PARD3B: variants seen among roughly 807,000 people sequenced by gnomAD.
The protein encoded by PARD3B is par-3 family cell polarity regulator beta.
A neutral mutation model predicts 130.2 loss-of-function variants in PARD3B; 103 were observed. The ratio of observed to expected loss-of-function variants is 0.79; its 90% confidence interval spans 0.67 to 0.93. The LOEUF is 0.93. PARD3B is among the 40% of genes least tolerant of loss of function. PARD3B has a pLI of 0.00. For missense variants in PARD3B, 1,609 were observed against 1,499.2 expected, an observed-to-expected ratio of 1.07 and a Z score of -1.21; for synonymous variants, 583 against 553.2, an observed-to-expected ratio of 1.05 and a Z score of -0.76.
intron 16 of PARD3B, among the ~76,000 whole-genome samples, chr2:205,294,263 G>T (rs2041709644): frequency 6.6e-6 from 1 of 151,892 alleles, no homozygotes; most frequent in Non-Finnish European, 1.5e-5. Flanking sequence ...CACAGATAAG[G>T]TTATATATGT....
chr2:204,764,341 T>A (rs1419380697), intron 2 of PARD3B, among the ~76,000 whole-genome samples: 3 of 152,168 alleles, frequency 2.0e-5, no homozygotes, highest in Non-Finnish European at 4.4e-5. Context: ...GGGGATGGAA[T>A]TTTCCATTGT....
chr2:204,910,863 C>T (rs1322125620), intron 2 of PARD3B, among the ~76,000 whole-genome samples: 2 of 152,042 alleles, frequency 1.3e-5, no homozygotes, highest in Non-Finnish European at 2.9e-5. Flanking sequence ...AGGATGGTCT[C>T]GATCTCCTGA....
At chr2:204,764,715 C>CGTGTGTGTGTGTGTGTGTGTGTGTGTGT (rs10522212) in intron 2 of PARD3B, among the ~76,000 whole-genome samples, 1 of 145,644 alleles carries the variant, frequency 6.9e-6, no homozygotes, top group African/African-American at 2.5e-5. Context: ...GGCATGCATG[C>CGTGTGTGTGTGTGTGTGTGTGTGTGTGT]GTGTGTGTGT....
In PARD3B at chr2:204,890,062, TG is replaced by T. The variant is rs1256703655; in HGVS notation, c.223-75087del. Among the ~76,000 whole-genome samples the T allele has an allele frequency of 1.3e-5, 2 of 152,220 alleles. No homozygotes were observed. On this transcript the variant is annotated intron_variant, in intron 2 of 22. Coordinates refer to ENST00000406610, the MANE Select transcript of PARD3B (RefSeq NM_001302769.2). This position sits in a 1 kb window ranked among gnomAD's most constrained non-coding sequence, Gnocchi z 4.9. ...AATTTTACTTTTGGCATATGTTCTC[TG>T]GGACTATCGGTTTTATTGCAACTGG...
At chr2:204,694,632 C>A (rs536445566) in intron 2 of PARD3B, among the ~76,000 whole-genome samples, 2 of 152,018 alleles carry the variant, frequency 1.3e-5, no homozygotes, top group Non-Finnish European at 2.9e-5. Flanking sequence ...CATGTTTCAA[C>A]CTCAGAGAAG....
chr2:205,225,078 A>G (rs1205726408), intron 15 of PARD3B, among the ~76,000 whole-genome samples: 1 of 152,168 alleles, frequency 6.6e-6, no homozygotes, highest in African/African-American at 2.4e-5. Flanking sequence ...GGGAGTGAAG[A>G]TATCTCTTTG....
At chr2:205,098,433 T>A (rs777116791) in intron 4 of PARD3B, among the ~76,000 whole-genome samples, 1 of 152,188 alleles carries the variant, frequency 6.6e-6, no homozygotes, top group Non-Finnish European at 1.5e-5. Context: ...ACAGGACCGC[T>A]ATTTCAGTTC....
chr2:205,493,713 C>T (rs1390840459), intron 20 of PARD3B, among the ~76,000 whole-genome samples: 8 of 146,814 alleles, frequency 5.4e-5, no homozygotes, highest in African/African-American at 2.0e-4. Context: ...CATTTCTTTT[C>T]ATTTATGTAT....
Position 204,673,255 on chromosome 2 carries a change from T to C in PARD3B, c.121-12926T>C, listed in dbSNP as rs1258078915. Among the ~76,000 whole-genome samples, 1 of 152,242 alleles carries C rather than the reference T, an allele frequency of 6.6e-6. No homozygotes were observed. Among genetic ancestry groups the C allele is most frequent in the Non-Finnish European group, 1.5e-5 (1 of 68,048 alleles). The stretch of plus-strand genomic sequence containing the variant: ...ATGCAAATAACATGTAAGTCCCTTC[T>C]TCTTCCTTTCTAGAAGTATTTTCTT... On this transcript the variant is annotated intron_variant, in intron 1 of 22. Transcript: ENST00000406610. The surrounding 1 kb of genome is among the most constrained non-coding windows in gnomAD (Gnocchi z 4.7).
Position 205,104,453 on chromosome 2 carries a change from G to C in PARD3B, c.532G>C (p.Glu178Gln), listed in dbSNP as rs773927087. 11 of 1,602,904 alleles carry C rather than the reference G, an allele frequency of 6.9e-6. No individual in the cohort carries two copies. Among genetic ancestry groups the C allele is most frequent in the Non-Finnish European group, 9.4e-6 (11 of 1,169,972 alleles). Residue 178 changes from glutamate to glutamine, a missense_variant, in exon 5 of 23, where the codon GAA becomes CAA. Transcript: ENST00000406610. Reference sequence around the variant, plus strand: ...TTCCACGCAGAACTTGGAAGACAGAGAAGTTTTGAATGGTGTACAGACAGA... The same window carrying C: ...TTCCACGCAGAACTTGGAAGACAGACAAGTTTTGAATGGTGTACAGACAGA... ...PDSTQNLEDR[E>Q]VLNGVQTELL... is the part of the protein sequence containing the mutation.
chr2:204,798,561 G>C (rs1331356909), intron 2 of PARD3B, among the ~76,000 whole-genome samples: 1 of 152,182 alleles, frequency 6.6e-6, no homozygotes, highest in Non-Finnish European at 1.5e-5. Flanking sequence ...CAGAGGAACA[G>C]CGAAGGGAGC....
intron 3 of PARD3B, among the ~76,000 whole-genome samples, chr2:205,003,085 A>G (rs1443877259): frequency 6.6e-6 from 1 of 152,146 alleles, no homozygotes; most frequent in Non-Finnish European, 1.5e-5. Flanking sequence ...GTGTGTAGAG[A>G]CCACCTGCAT....
chr2:204,770,732 C>T lies in PARD3B; in HGVS notation c.222+84450C>T, dbSNP rs1304027817. Among the ~76,000 whole-genome samples, 54 of 152,102 alleles carry T rather than the reference C, an allele frequency of 3.6e-4. 1 individual carries two copies. Among genetic ancestry groups the T allele is most frequent in the Non-Finnish European group, 1.5e-5 (1 of 67,960 alleles). On this transcript the variant is annotated intron_variant, in intron 2 of 22. Coordinates refer to ENST00000406610, the MANE Select transcript of PARD3B (RefSeq NM_001302769.2). ...ATCCACTACTCATACCTACTGACAT[C>T]CCCTGGCACTTCTAGAACCAGCTTA...
At chr2:205,578,812 T>G (rs2053859699) in intron 22 of PARD3B, among the ~76,000 whole-genome samples, 1 of 152,228 alleles carries the variant, frequency 6.6e-6, no homozygotes, top group South Asian at 2.1e-4. Flanking sequence ...ACTTTTTCTG[T>G]TTTTTAAATG....
At chr2:205,374,221 A>G (rs1387148292) in intron 18 of PARD3B, among the ~76,000 whole-genome samples, 1 of 151,886 alleles carries the variant, frequency 6.6e-6, no homozygotes, top group Non-Finnish European at 1.5e-5. Context: ...AATCCCATAC[A>G]AAACAACCAC....
intron 10 of PARD3B, among the ~76,000 whole-genome samples, chr2:205,131,502 G>C (rs569542325): frequency 1.3e-5 from 2 of 152,266 alleles, no homozygotes; most frequent in South Asian, 2.1e-4. Context: ...GATGAAGCTA[G>C]AAGCTTCATC....
chr2:205,524,326 A>G (rs576527500), intron 21 of PARD3B, among the ~76,000 whole-genome samples: 2 of 152,268 alleles, frequency 1.3e-5, no homozygotes, highest in Non-Finnish European at 2.9e-5. Context: ...GATTTGTAGA[A>G]GAGTCCCCTC....
intron 20 of PARD3B, among the ~76,000 whole-genome samples, chr2:205,496,129 A>G (rs1221575047): frequency 6.6e-6 from 1 of 152,204 alleles, no homozygotes; most frequent in African/African-American, 2.4e-5. Context: ...TATAACCATT[A>G]TGATGATTGC....
intron 20 of PARD3B, among the ~76,000 whole-genome samples, chr2:205,481,484 A>G (rs2049234500): frequency 6.6e-6 from 1 of 152,184 alleles, no homozygotes; most frequent in Non-Finnish European, 1.5e-5. Flanking sequence ...CCATGCTGCT[A>G]TGAACCGGGC....
Sources: gnomAD v4.1 joint callset for allele counts (sites outside exome capture counted in the v4.1 genomes callset) on GRCh38, gnomAD v4.1.1 for gene constraint, Gnocchi (gnomAD v3.1) non-coding constraint, MANE v1.5 for transcripts, NCBI Gene and HGNC (gene_info 2026-07-23, HGNC 2026-07-21) for gene names.